NOC2L: variants seen among roughly 807,000 people sequenced by gnomAD.
The protein encoded by NOC2L is nucleolar complex protein 2 homolog.
In NOC2L, 101 loss-of-function variants were observed where a neutral mutation model predicts 94.2. The observed-to-expected ratio is 1.07, with a 90% CI of 0.91 to 1.26. The LOEUF is 1.26. NOC2L is among the 50% of genes most tolerant of loss of function. The pLI is 0.00. For missense variants in NOC2L, 1,076 were observed against 980.1 expected, an observed-to-expected ratio of 1.10 and a Z score of -1.31; for synonymous variants, 531 against 413.4, an observed-to-expected ratio of 1.28 and a Z score of -3.45.
chr1:949,428 CTGGGCCAAAAGTA>C (rs1235102225), intron 12 of NOC2L, among the ~76,000 whole-genome samples: 1 of 152,192 alleles, frequency 6.6e-6, no homozygotes, highest in African/African-American at 2.4e-5. Context: ...CTTCTCTAGC[CTGGGCCAAAAGTA>C]TGGGCAGGCG....
Position 952,613 on chromosome 1 carries a change from C to G in NOC2L, c.1003-13G>C. 3 of 1,613,290 alleles carry G rather than the reference C, an allele frequency of 1.9e-6. No homozygotes were observed. The highest frequency in any genetic ancestry group is 1.7e-6 in the Non-Finnish European group (2 of 1,179,948). Reference sequence around the variant, plus strand: ...TGATGTACATTTGCTGCGGAGAGACCCGGGTCAGAGCCACCTGGGATCAGG... The same window carrying G: ...TGATGTACATTTGCTGCGGAGAGACGCGGGTCAGAGCCACCTGGGATCAGG... On this transcript the variant is annotated splice_polypyrimidine_tract_variant and intron_variant, in intron 9 of 18. Transcript: ENST00000327044.
At position 948,552 on chromosome 1, in the gene NOC2L, G is replaced by C; in HGVS notation, c.1495C>G (p.Pro499Ala). The C allele has an allele frequency of 6.2e-7, 1 of 1,613,682 alleles. No homozygotes were observed. The highest frequency in any genetic ancestry group is 8.5e-7 in the Non-Finnish European group (1 of 1,179,974). ...NRKPGRMSSK[P>A]INFSVILKLS... ...TTCAGGATCACGGAGAAGTTGATGG[G>C]CTTGGAGCTCATGCGCCCTGGCTTC... The change falls in exon 13 of 19, where the codon CCC (proline) becomes GCC (alanine). Residue 499 changes from proline to alanine, a missense_variant. Pro to Ala is a conservative substitution (Grantham distance 27). Coordinates refer to ENST00000327044, the MANE Select transcript of NOC2L (RefSeq NM_015658.4).
Position 959,217 on chromosome 1 carries a change from C to G in NOC2L, c.24G>C (p.Lys8Asn). 1.2e-6 allele frequency: 2 copies of G among 1,608,890 alleles called. No individual in the cohort carries two copies. The highest frequency in any genetic ancestry group is 1.7e-6 in the Non-Finnish European group (2 of 1,178,398). The change falls in exon 1 of 19, where the codon AAG becomes AAC. Residue 8 changes from lysine (K) to asparagine (N), a missense_variant and splice_region_variant. Physicochemically the swap from Lys to Asn is moderately conservative, Grantham distance 94 (BLOSUM62 0). Transcript: ENST00000327044. ...CGGCCCTCGGACCCGCGGCTTACCT[C>G]TTGCGGCTCCCCGCAGCTGCCATGA... MAAAGSR[K>N]RRLAELTVDE...
In NOC2L at chr1:944,635, G is replaced by A. The variant is rs1310889512; in HGVS notation, c.*59C>T. 2 of 1,060,468 alleles carry A rather than the reference G, an allele frequency of 1.9e-6. No individual in the cohort carries two copies. Among genetic ancestry groups the A allele is most frequent in the East Asian group, 2.5e-5 (1 of 39,774 alleles). The allele number at this position is 1,060,468 out of a possible 1,614,324, so 65.7% of individuals were successfully genotyped here. A position where few individuals can be genotyped will look rare whatever the true frequency, so the allele number is the denominator to read the frequency against. On this transcript the variant is annotated 3_prime_UTR_variant, in exon 19 of 19. Transcript: ENST00000327044. ...CCAGCCTCTAGGCCTGACTGCCAGG[G>A]AGGTGGAAACACTGGCCACCAGCCC...
chr1:958,826 G>T, intron 2 of NOC2L, 103 bp downstream of exon 2: 1 of 1,210,350 alleles, frequency 8.3e-7, no homozygotes, highest in Non-Finnish European at 1.2e-6. Flanking sequence ...GCAGAGGTCG[G>T]CGATCCTTAG....
intron 2 of NOC2L, chr1:958,597 C>T (rs1376844777): frequency 1.9e-6 from 1 of 523,508 alleles, no homozygotes; most frequent in Non-Finnish European, 3.7e-6. Flanking sequence ...ACTCTCTCTT[C>T]AGCCCCTCTG....
intron 12 of NOC2L, among the ~76,000 whole-genome samples, chr1:950,071 T>C (rs950717839): frequency 7.9e-5 from 12 of 152,212 alleles, no homozygotes; most frequent in Non-Finnish European, 1.3e-4. Flanking sequence ...CGTGCAAAGA[T>C]GCATACACAC....
At chr1:952,913 T>C (rs1642298165) in intron 9 of NOC2L, among the ~76,000 whole-genome samples, 1 of 152,140 alleles carries the variant, frequency 6.6e-6, no homozygotes, top group Non-Finnish European at 1.5e-5. Flanking sequence ...CCCAGTGTCC[T>C]CCTCCAGCCA....
chr1:951,700 C>A (rs985605398), intron 11 of NOC2L, among the ~76,000 whole-genome samples: 1 of 152,250 alleles, frequency 6.6e-6, no homozygotes, highest in South Asian at 2.1e-4. Context: ...AAGAACCCCA[C>A]GTAATGAACC....
At chr1:945,252 G>A (rs1277283681) in intron 17 of NOC2L, 106 bp from the exon 18 acceptor site, 11 of 1,386,046 alleles carry the variant, frequency 7.9e-6, no homozygotes, top group East Asian at 2.5e-5. Context: ...CCTTCCCTCC[G>A]CTGACTTCCA....
chr1:944,477 G>C lies in NOC2L; in HGVS notation c.*217C>G, dbSNP rs1642027259. The C allele has an allele frequency of 2.8e-6, 2 of 705,868 alleles. No individual in the cohort carries two copies. The highest frequency in any genetic ancestry group is 3.7e-5 in the African/African-American group (2 of 54,376). 43.7% of individuals were successfully genotyped at this position (705,868 alleles called of 1,614,324 possible). Reference sequence around the variant, plus strand: ...CTCCCCCGCGGAGCTGACTTCAGCAGCCCACAGCTGTGGGGCTTCAGCAGC... The same window carrying C: ...CTCCCCCGCGGAGCTGACTTCAGCACCCCACAGCTGTGGGGCTTCAGCAGC... On this transcript the variant is annotated 3_prime_UTR_variant, in exon 19 of 19. Coordinates refer to ENST00000327044, the MANE Select transcript of NOC2L (RefSeq NM_015658.4).
Position 944,451 on chromosome 1 carries a change from G to A in NOC2L, c.*243C>T. 1.1e-6 allele frequency: 1 copy of A among 886,928 alleles called. No homozygotes were observed. Among genetic ancestry groups the A allele is most frequent in the Non-Finnish European group, 1.6e-6 (1 of 625,008 alleles). The allele number at this position is 886,928 out of a possible 1,614,324, so 54.9% of individuals were successfully genotyped here. A position where few individuals can be genotyped will look rare whatever the true frequency, so the allele number is the denominator to read the frequency against. Reference sequence around the variant, plus strand: ...TCTCGGTCTGCTGACGTCAGGGTCAGCTCCCCCGCGGAGCTGACTTCAGCA... The same window carrying A: ...TCTCGGTCTGCTGACGTCAGGGTCAACTCCCCCGCGGAGCTGACTTCAGCA... On this transcript the variant is annotated 3_prime_UTR_variant, in exon 19 of 19. Coordinates refer to ENST00000327044, the MANE Select transcript of NOC2L (RefSeq NM_015658.4).
At chr1:949,153 G>A (rs1642190208) in intron 12 of NOC2L, among the ~76,000 whole-genome samples, 1 of 139,366 alleles carries the variant, frequency 7.2e-6, no homozygotes, top group Non-Finnish European at 1.6e-5. Context: ...ACCTCCGTAG[G>A]ACATGCCAGG....
intron 17 of NOC2L, 111 bp downstream of exon 17, chr1:945,407 G>C (rs1197478159): frequency 7.4e-7 from 1 of 1,355,400 alleles, no homozygotes; most frequent in South Asian, 1.4e-5. Context: ...AGCTGGGCCA[G>C]AGACTGGTGA....
intron 2 of NOC2L, 87 bp downstream of exon 2, chr1:958,842 G>A (rs1317768227): frequency 2.9e-6 from 4 of 1,400,044 alleles, no homozygotes; most frequent in East Asian, 2.3e-5. Flanking sequence ...CTTAGGCCTT[G>A]GCCCTGAGAC....
intron 12 of NOC2L, among the ~76,000 whole-genome samples, chr1:950,785 C>T (rs1263820283): frequency 6.6e-6 from 1 of 152,218 alleles, no homozygotes; most frequent in African/African-American, 2.4e-5. Context: ...ATGCACACAA[C>T]TGTCAGGGCA....
At position 955,970 on chromosome 1, in the gene NOC2L, G is replaced by C; in HGVS notation, c.651C>G (p.Gly217=). Residue 217 remains glycine, a synonymous_variant, in exon 6 of 19, where the codon GGC becomes GGG. Coordinates refer to ENST00000327044, the MANE Select transcript of NOC2L (RefSeq NM_015658.4). ...TTCCAAACAGCAGCTTCTGGAGACA[G>C]CCAATGAGGTCTCTGATGCAGAAGG... ...LVTFCIRDLI[G]CLQKLLFGKV... The C allele has an allele frequency of 6.2e-7, 1 of 1,613,702 alleles. No individual in the cohort carries two copies. The highest frequency in any genetic ancestry group is 1.1e-5 in the South Asian group (1 of 91,066).
intron 4 of NOC2L, among the ~76,000 whole-genome samples, chr1:956,602 T>G (rs1356609518): frequency 6.6e-6 from 1 of 151,928 alleles, no homozygotes; most frequent in Non-Finnish European, 1.5e-5. Flanking sequence ...CTTTGGGGAG[T>G]GGGGCGCCAA....
At chr1:956,334 G>C (rs1391342187) in intron 4 of NOC2L, 119 bp from the exon 5 acceptor site, 1 of 1,187,942 alleles carries the variant, frequency 8.4e-7, no homozygotes, top group Non-Finnish European at 1.2e-6. Flanking sequence ...GGCAGAGGTT[G>C]GGGGGAGGCA....
Sources: allele counts gnomAD v4.1 joint callset (sites outside exome capture counted in the v4.1 genomes callset), GRCh38; gene constraint gnomAD v4.1.1; transcripts MANE v1.5; gene names NCBI Gene and HGNC (gene_info 2026-07-23, HGNC 2026-07-21).